Variants in TGIF1 observed in about 807,000 individuals in gnomAD.
TGIF1 encodes the protein TGFB induced factor homeobox 1.
A neutral mutation model predicts 19.3 loss-of-function variants in TGIF1; 4 were observed. The ratio of observed to expected loss-of-function variants is 0.21; its 90% CI spans 0.10 to 0.47. The LOEUF is 0.47. Among genes scored for constraint, TGIF1 ranks in the 20% least tolerant of loss-of-function variants. The pLI, the probability that TGIF1 is intolerant of heterozygous loss-of-function variation, is 0.98. For synonymous variants in TGIF1, 122 were observed against 129.3 expected, an observed-to-expected ratio of 0.94 and a Z score of 0.38; for missense variants, 275 against 341.4, an observed-to-expected ratio of 0.81 and a Z score of 1.53.
intron 1 of TGIF1, among the ~76,000 whole-genome samples, chr18:3,454,075 C>T (rs775561247): frequency 3.9e-5 from 6 of 152,220 alleles, no homozygotes; most frequent in South Asian, 4.1e-4. Flanking sequence ...GAAGTCTTAA[C>T]TTCCTGTTAC....
intron 2 of TGIF1, among the ~76,000 whole-genome samples, chr18:3,432,803 A>G (rs1026970389): frequency 2.0e-5 from 3 of 151,306 alleles, no homozygotes; most frequent in African/African-American, 7.3e-5. Flanking sequence ...CTTGTTTCCC[A>G]GGCTGGAGTG....
chr18:3,437,099 C>T (rs1229354403), intron 2 of TGIF1, among the ~76,000 whole-genome samples: 1 of 152,020 alleles, frequency 6.6e-6, no homozygotes, highest in Non-Finnish European at 1.5e-5. Context: ...CGCAGGACTC[C>T]ATCTCAAAAA....
intron 2 of TGIF1, among the ~76,000 whole-genome samples, chr18:3,430,903 A>G (rs75515209): frequency 0.033 from 5,093 of 152,268 alleles, 296 homozygotes; most frequent in African/African-American, 0.12. Context: ...AGGGTGAAGA[A>G]GTCCTGAGCC....
chr18:3,426,477 G>T (rs2082471076), intron 2 of TGIF1, among the ~76,000 whole-genome samples: 1 of 152,034 alleles, frequency 6.6e-6, no homozygotes, highest in Non-Finnish European at 1.5e-5. Flanking sequence ...CCCAGCTAGG[G>T]TCCACTTATT....
intron 1 of TGIF1, among the ~76,000 whole-genome samples, chr18:3,416,866 C>T (rs1054951390): frequency 1.3e-5 from 2 of 150,822 alleles, no homozygotes; most frequent in South Asian, 2.1e-4. Flanking sequence ...AGGAAGCGGA[C>T]GCTACAGTGA....
upstream of TGIF1, chr18:3,449,538 T>TGGCCCCCCCCCC: frequency 8.3e-6 from 8 of 961,938 alleles, no homozygotes; most frequent in Non-Finnish European, 9.8e-6. Context: ...GTCTCATCAT[T>TGGCCCCCCCCCC]CCCCCCCGCC....
At chr18:3,450,008 CGCCGCCCCCGAGGGACGAGTGACAGCG>C (rs1433115967), upstream of TGIF1, 14 of 990,036 alleles carry the variant, frequency 1.4e-5, no homozygotes, top group African/African-American at 1.7e-5. Flanking sequence ...GCGTCCGCAC[CGCCGCCCCCGAGGGACGAGTGACAGCG>C]GCCGCCGCGC....
upstream of TGIF1, among the ~76,000 whole-genome samples, chr18:3,445,368 G>A (rs949924097): frequency 6.6e-6 from 1 of 151,996 alleles, no homozygotes; most frequent in African/African-American, 2.4e-5. Context: ...TTACCAGGTC[G>A]GCCATGTCTC....
upstream of TGIF1, chr18:3,448,715 GTCTTTTTTT>G (rs2082802583): frequency 7.4e-4 from 319 of 432,016 alleles, 2 homozygotes; most frequent in Non-Finnish European, 8.3e-4. Context: ...GGGCGGGGGT[GTCTTTTTTT>G]TTTTTTTTTT....
chr18:3,422,296 T>TAAAAAAAAAAAAAAA (rs34822467), intron 2 of TGIF1, among the ~76,000 whole-genome samples: 1 of 80,432 alleles, frequency 1.2e-5, no homozygotes, highest in African/African-American at 3.6e-5. Flanking sequence ...GTTTAAAAAG[T>TAAAAAAAAAAAAAAA]AAAAAAAAAA....
In TGIF1 at chr18:3,451,934, TGTG is replaced by T. The variant is rs746141758; in HGVS notation, c.16+1434_16+1436del. 1.3e-6 allele frequency: 2 copies of T among 1,543,638 alleles called. No individual in the cohort carries two copies. Among genetic ancestry groups the T allele is most frequent in the Non-Finnish European group, 8.7e-7 (1 of 1,143,790 alleles). On this transcript the variant is annotated intron_variant, in intron 1 of 2. Transcript: ENST00000343820. This position sits in a 1 kb window ranked among gnomAD's most constrained non-coding sequence, Gnocchi z 5.4. ...AGGTCTAGAGACACGCGCTGTCTGT[TGTG>T]GTGGGCCTCCCGGGAATAAGTGAGG...
chr18:3,427,621 A>G (rs1254028601), intron 2 of TGIF1, among the ~76,000 whole-genome samples: 1 of 143,856 alleles, frequency 7.0e-6, no homozygotes. Flanking sequence ...TTTTTTTGAG[A>G]CGGGGTTTCC....
At chr18:3,427,528 T>A (rs1021040320) in intron 2 of TGIF1, among the ~76,000 whole-genome samples, 4 of 149,762 alleles carry the variant, frequency 2.7e-5, no homozygotes, top group Admixed American at 2.0e-4. Flanking sequence ...TGATCTCAAG[T>A]GATCCGCCTG....
intron 2 of TGIF1, among the ~76,000 whole-genome samples, chr18:3,437,088 G>T (rs1185711919): frequency 6.6e-6 from 1 of 152,122 alleles, no homozygotes; most frequent in Non-Finnish European, 1.5e-5. Flanking sequence ...CTGGGTGACA[G>T]CGCAGGACTC....
At position 3,450,365 on chromosome 18, in the gene TGIF1, C is replaced by G; in HGVS notation, c.-125C>G. On this transcript the variant is annotated 5_prime_UTR_variant, in exon 1 of 3. Coordinates refer to ENST00000343820, the MANE Select transcript of TGIF1 (RefSeq NM_003244.4). Reference sequence around the variant, plus strand: ...AGAGCGTCCTGTTTAGCAATAACGGCTGGAGCACGTCCTACAAGTTACGGG... The same window carrying G: ...AGAGCGTCCTGTTTAGCAATAACGGGTGGAGCACGTCCTACAAGTTACGGG... The G allele has an allele frequency of 6.6e-7, 1 of 1,522,982 alleles. No individual in the cohort carries two copies. Among genetic ancestry groups the G allele is most frequent in the Non-Finnish European group, 8.8e-7 (1 of 1,131,940 alleles). 94.3% of individuals were successfully genotyped at this position (1,522,982 alleles called of 1,614,324 possible). A position where few individuals can be genotyped will look rare whatever the true frequency, so the allele number is the denominator to read the frequency against.
At chr18:3,425,537 T>C (rs1320260258) in intron 2 of TGIF1, among the ~76,000 whole-genome samples, 1 of 152,206 alleles carries the variant, frequency 6.6e-6, no homozygotes, top group African/African-American at 2.4e-5. Flanking sequence ...TTTTGGGACG[T>C]CTTTTCAGGC....
chr18:3,439,462 G>A (rs577911876), intron 2 of TGIF1, among the ~76,000 whole-genome samples: 1 of 151,738 alleles, frequency 6.6e-6, no homozygotes, highest in Non-Finnish European at 1.5e-5. Flanking sequence ...TCCTGCCTCA[G>A]CCACCCGATT....
chr18:3,423,638 G>A (rs377628716), intron 2 of TGIF1, among the ~76,000 whole-genome samples: 1 of 151,826 alleles, frequency 6.6e-6, no homozygotes, highest in African/African-American at 2.4e-5. Flanking sequence ...AGCAGAGATC[G>A]CGCCACTGCC....
In TGIF1 at chr18:3,457,736, C is replaced by G; in HGVS notation, c.615C>G (p.Ala205=). The part of the protein sequence containing the change: ...GQNTDIQQIA[A]KNFTDTSLMY... ...ACACAGATATACAGCAGATAGCGGC[C>G]AAAAACTTCACAGACACCTCTCTCA... Residue 205 remains alanine (A), a synonymous_variant, in exon 3 of 3, where the codon GCC becomes GCG. Coordinates refer to ENST00000343820, the MANE Select transcript of TGIF1 (RefSeq NM_003244.4). This position sits in a 1 kb window ranked among gnomAD's most constrained non-coding sequence, Gnocchi z 4.9. The G allele has an allele frequency of 1.2e-6, 2 of 1,614,162 alleles. No homozygotes were observed. Among genetic ancestry groups the G allele is most frequent in the Non-Finnish European group, 1.7e-6 (2 of 1,180,038 alleles).
Sources: gnomAD v4.1 joint callset for allele counts (sites outside exome capture counted in the v4.1 genomes callset) on GRCh38, gnomAD v4.1.1 for gene constraint, Gnocchi (gnomAD v3.1) non-coding constraint, MANE v1.5 for transcripts, NCBI Gene and HGNC (gene_info 2026-07-23, HGNC 2026-07-21) for gene names.